NOD2: variants seen among roughly 807,000 people sequenced by gnomAD.
The protein encoded by NOD2 is nucleotide-binding oligomerization domain-containing protein 2.
A neutral mutation model predicts 90.9 loss-of-function variants in NOD2; 86 were observed. The observed-to-expected ratio is 0.95, with a 90% CI of 0.79 to 1.13. The LOEUF (loss-of-function observed/expected upper bound fraction) is 1.13. NOD2 is among the 50% of genes most tolerant of loss of function. The pLI, the probability that NOD2 is intolerant of heterozygous loss-of-function variation, is 0.00. For synonymous variants in NOD2, 581 were observed against 554.6 expected (o/e 1.05, Z -0.67); for missense variants, 1,238 against 1,283.8 (o/e 0.96, Z 0.55).
chr16:50,716,878 T>C lies in NOD2; in HGVS notation c.2466-13T>C, dbSNP rs1964824120. ...CTTTGCTTCTGTGTCTCCTCTCTTC[T>C]GGAACTGAACAGTCTATTCAACAAC... On this transcript the variant is annotated splice_polypyrimidine_tract_variant and intron_variant, in intron 5 of 11. Coordinates refer to ENST00000647318, the MANE Select transcript of NOD2 (RefSeq NM_001370466.1). 1.2e-6 allele frequency: 2 copies of C among 1,613,364 alleles called. No homozygotes were observed. The highest frequency in any genetic ancestry group is 2.2e-5 in the East Asian group (1 of 44,886).
intron 2 of NOD2, among the ~76,000 whole-genome samples, chr16:50,703,264 T>C (rs1964019885): frequency 1.3e-5 from 2 of 152,242 alleles, no homozygotes. Context: ...TTTTAGCATC[T>C]TTTAAAATAA....
chr16:50,711,935 C>T lies in NOD2; in HGVS notation c.1943C>T (p.Ala648Val), dbSNP rs138958152. The change falls in exon 4 of 12, where the codon GCA (alanine) becomes GTA (valine). Residue 648 changes from alanine (A) to valine (V), a missense_variant. Physicochemically the swap from Ala to Val is moderately conservative, Grantham distance 64. Around this residue, in one of 3 missense-constraint regions of NOD2, gnomAD observed 667 missense variants for 688.7 expected, o/e 0.97. Coordinates refer to ENST00000647318, the MANE Select transcript of NOD2 (RefSeq NM_001370466.1). Reference protein sequence around the residue: ...KAEPHNLQITAAFLAGLLSRE... With the variant: ...KAEPHNLQITVAFLAGLLSRE... ...GAGCCGCACAACCTTCAGATCACAG[C>T]AGCCTTCCTGGCAGGGCTGTTGTCC... is the stretch of plus-strand genomic sequence containing the variant. 1.1e-5 allele frequency: 17 copies of T among 1,611,742 alleles called. No homozygotes were observed. The African/African-American group carries it at 2.0e-4, about 19-fold the overall frequency.
chr16:50,732,764 C>T lies in NOD2; in HGVS notation c.*945C>T, dbSNP rs1379483708. 1 of 152,310 alleles carries T rather than the reference C, an allele frequency of 6.6e-6. No homozygotes were observed. The highest frequency in any genetic ancestry group is 6.5e-5 in the Admixed American group (1 of 15,272). 9.4% of individuals were successfully genotyped at this position (152,310 alleles called of 1,614,324 possible). On this transcript the variant is annotated 3_prime_UTR_variant, in exon 12 of 12. Coordinates refer to ENST00000647318, the MANE Select transcript of NOD2 (RefSeq NM_001370466.1). ...ACTTCTGAAATAGACCCACAAGAGG[C>T]AGTTCCATTTCATTTGTGCCAGAAT...
In NOD2 at chr16:50,717,650, C is replaced by T. The variant is rs115801989; in HGVS notation, c.2549+676C>T. On this transcript the variant is annotated intron_variant, in intron 6 of 11. Transcript: ENST00000647318. ...TTGGGCTGGGTTTGTGGATGGGAGC[C>T]GCCATTTTAAAATGGCGGGCCACAT... Among the ~76,000 whole-genome samples the T allele has an allele frequency of 7.5e-3, 1,145 of 152,278 alleles. 14 individuals are homozygous for T. Among genetic ancestry groups the T allele is most frequent in the African/African-American group, 0.026 (1,088 of 41,538 alleles).
intron 2 of NOD2, 81 bp downstream of exon 2, chr16:50,700,035 C>A: frequency 3.7e-6 from 5 of 1,353,126 alleles, no homozygotes; most frequent in South Asian, 1.2e-5. Flanking sequence ...CTCATGAAGT[C>A]AGCCTGTGGG....
intron 2 of NOD2, among the ~76,000 whole-genome samples, chr16:50,705,514 G>A (rs1398630420): frequency 6.6e-6 from 1 of 152,208 alleles, no homozygotes; most frequent in Non-Finnish European, 1.5e-5. Flanking sequence ...TTTGGAGATT[G>A]ACAGTGTTTA....
chr16:50,719,272 C>A (rs962346068), intron 6 of NOD2, among the ~76,000 whole-genome samples: 4 of 152,172 alleles, frequency 2.6e-5, no homozygotes, highest in African/African-American at 9.7e-5. Flanking sequence ...AGCTGAGTGG[C>A]TTGACGTTCC....
intron 1 of NOD2, among the ~76,000 whole-genome samples, chr16:50,694,800 C>T (rs1278441849): frequency 6.6e-6 from 1 of 152,110 alleles, no homozygotes; most frequent in East Asian, 1.9e-4. Flanking sequence ...CAGACAAAAC[C>T]CCCTGCCCTC....
chr16:50,731,974 A>T lies in NOD2; in HGVS notation c.*155A>T. ...TCTGGGAACACCATAGGTCACCTTT[A>T]TTCTGGCAGAGGAGGGAGCATCAGT... On this transcript the variant is annotated 3_prime_UTR_variant, in exon 12 of 12. Coordinates refer to ENST00000647318, the MANE Select transcript of NOD2 (RefSeq NM_001370466.1). 1.5e-6 allele frequency: 1 copy of T among 688,398 alleles called. No homozygotes were observed. The allele number at this position is 688,398 out of a possible 1,614,324, so 42.6% of individuals were successfully genotyped here. A position where few individuals can be genotyped will look rare whatever the true frequency, so the allele number is the denominator to read the frequency against.
At chr16:50,717,005 A>G (rs772483493) in intron 6 of NOD2, 31 bp downstream of exon 6, 1 of 1,606,750 alleles carries the variant, frequency 6.2e-7, no homozygotes, top group South Asian at 1.1e-5. Context: ...TTCCCTGGAA[A>G]CTATTTTTTG....
At chr16:50,721,160 T>C (rs1965038856) in intron 7 of NOD2, among the ~76,000 whole-genome samples, 1 of 151,920 alleles carries the variant, frequency 6.6e-6, no homozygotes, top group Admixed American at 6.6e-5. Flanking sequence ...ATCAACATCT[T>C]TTCCACACTG....
chr16:50,706,888 G>A (rs1019830070), intron 2 of NOD2, among the ~76,000 whole-genome samples: 7 of 151,922 alleles, frequency 4.6e-5, no homozygotes, highest in Admixed American at 1.3e-4. Flanking sequence ...AGTAGTGATG[G>A]GGTTTCACCA....
At chr16:50,695,004 GA>G (rs763141161) in intron 1 of NOD2, among the ~76,000 whole-genome samples, 4 of 152,176 alleles carry the variant, frequency 2.6e-5, no homozygotes, top group Non-Finnish European at 5.9e-5. Flanking sequence ...AAGTCATAAG[GA>G]ATTGAGGGGT....
rs767225117 is a variant in NOD2 at position 50,710,837 on chromosome 16, T to C, written c.845T>C (p.Leu282Pro). The change falls in exon 4 of 12, where the codon CTG becomes CCG. Residue 282 changes from leucine (L) to proline (P), a missense_variant. By Grantham distance (98) the Leu-to-Pro change is moderately conservative. Coordinates refer to ENST00000647318, the MANE Select transcript of NOD2 (RefSeq NM_001370466.1). ...GCGGGCAGTGGCAAGAGCACGCTCC[T>C]GCAGCGGCTGCACTTGCTGTGGGCT... ...GEAGSGKSTL[L>P]QRLHLLWAAG... is the part of the protein sequence containing the mutation. 1.2e-5 allele frequency: 20 copies of C among 1,613,990 alleles called. No homozygotes were observed. Among genetic ancestry groups the C allele is most frequent in the East Asian group, 2.2e-5 (1 of 44,892 alleles).
chr16:50,698,096 AT>A (rs1963744644), intron 1 of NOD2: 1 of 152,548 alleles, frequency 6.6e-6, no homozygotes, highest in Non-Finnish European at 1.5e-5. Context: ...AATGTCCCTG[AT>A]TTATAAAAAG....
chr16:50,721,286 A>G (rs942038279), intron 7 of NOD2, among the ~76,000 whole-genome samples: 1 of 151,170 alleles, frequency 6.6e-6, no homozygotes. Context: ...CATATTTATT[A>G]GGGCACCTGT....
intron 9 of NOD2, among the ~76,000 whole-genome samples, chr16:50,723,976 G>A (rs1216037075): frequency 6.6e-6 from 1 of 152,094 alleles, no homozygotes. Context: ...GAGTTCCTAG[G>A]AGCACTGGGT....
In NOD2 at chr16:50,711,170, G is replaced by A. The variant is rs199475913; in HGVS notation, c.1178G>A (p.Arg393His). 82 of 1,614,082 alleles carry A rather than the reference G, an allele frequency of 5.1e-5. No homozygotes were observed. The highest frequency in any genetic ancestry group is 3.3e-4 in the East Asian group (15 of 44,882). Residue 393 changes from arginine to histidine, a missense_variant, in exon 4 of 12, where the codon CGC becomes CAC. By Grantham distance (29) the Arg-to-His change is conservative (BLOSUM62 0). This residue lies in a region of NOD2 where 567 missense variants were observed against 577.3 expected (regional missense o/e 0.98). Transcript: ENST00000647318. The stretch of plus-strand genomic sequence containing the variant: ...CAGGGCAACCTGCTGAAGAATGCCC[G>A]CAAGGTGGTGACCAGCCGTCCGGCC... Reference protein sequence around the residue: ...LLQGNLLKNARKVVTSRPAAV... With the variant: ...LLQGNLLKNAHKVVTSRPAAV...
chr16:50,699,481 T>A lies in NOD2; in HGVS notation c.-8-7T>A, dbSNP rs104895421. On this transcript the variant is annotated splice_polypyrimidine_tract_variant and splice_region_variant and intron_variant, in intron 1 of 11. Transcript: ENST00000647318. ...AAGTCCCGCACTGACCTTGTTCTCC[T>A]CCCCAGGTTGTGAAATGTGCTCGCA... 1.4e-3 allele frequency: 2,326 copies of A among 1,612,234 alleles called. 18 individuals are homozygous for A. In the Middle Eastern group the frequency reaches 0.017, roughly 12 times the overall value.
Sources: gnomAD v4.1 joint callset for allele counts (sites outside exome capture counted in the v4.1 genomes callset) on GRCh38, gnomAD v4.1.1 for gene constraint, gnomAD v4.1.1 regional missense constraint, MANE v1.5 for transcripts, NCBI Gene and HGNC (gene_info 2026-07-23, HGNC 2026-07-21) for gene names.